The following ACTB variants were observed in gnomAD, a reference collection of about 807,000 sequenced individuals.
ACTB encodes the protein actin beta.
Under a neutral mutation model 30.5 loss-of-function variants are expected in ACTB, and 2 were observed. The ratio of observed to expected loss-of-function variants is 0.07; its 90% CI spans 0.03 to 0.21. The LOEUF (loss-of-function observed/expected upper bound fraction) is 0.21, where lower values mean the gene tolerates loss of function less well. ACTB is among the 10% of genes least tolerant of loss of function. ACTB has a pLI of 1.00. For missense variants in ACTB, 56 were observed against 530.0 expected, an observed-to-expected ratio of 0.11 and a Z score of 8.78; for synonymous variants, 335 against 217.6, an observed-to-expected ratio of 1.54 and a Z score of -4.75.
intron 1 of ACTB, chr7:5,530,084 G>T (rs2966450): frequency 6.5e-6 from 1 of 153,230 alleles, no homozygotes; most frequent in Non-Finnish European, 1.4e-5. Context: ...CGCACGCGCA[G>T]TTAGCGCCTT....
In ACTB at chr7:5,527,486, C is replaced by G; in HGVS notation, c.*262G>C. ...CAAGGGACTTCCTGTAACAACGCAT[C>G]TCATATTTGGAATGACTATTAAAAA... On this transcript the variant is annotated 3_prime_UTR_variant, in exon 6 of 6. Coordinates refer to ENST00000646664, the MANE Select transcript of ACTB (RefSeq NM_001101.5). 1.7e-6 allele frequency: 1 copy of G among 575,034 alleles called. No individual in the cohort carries two copies. The highest frequency in any genetic ancestry group is 2.0e-5 in the South Asian group (1 of 49,006). 35.6% of individuals were successfully genotyped at this position (575,034 alleles called of 1,614,324 possible). A position where few individuals can be genotyped will look rare whatever the true frequency, so the allele number is the denominator to read the frequency against.
intron 1 of ACTB, chr7:5,529,957 C>G (rs954821647): frequency 3.2e-4 from 82 of 259,582 alleles, no homozygotes; most frequent in African/African-American, 1.8e-3. Flanking sequence ...CACCCTCGGG[C>G]GGCCAGCGGC....
Position 5,527,539 on chromosome 7 carries a change from G to C in ACTB, c.*209C>G, listed in dbSNP as rs1784790424. 2 of 748,310 alleles carry C rather than the reference G, an allele frequency of 2.7e-6. No individual in the cohort carries two copies. The highest frequency in any genetic ancestry group is 1.8e-5 in the South Asian group (1 of 54,616). The allele number at this position is 748,310 out of a possible 1,614,324, so 46.4% of individuals were successfully genotyped here. ...CAACAATGTGCAATCAAAGTCCTCGGCCACATTGTGAACTTTGGGGGATGC... is the reference window on the plus strand; with the variant it reads ...CAACAATGTGCAATCAAAGTCCTCGCCCACATTGTGAACTTTGGGGGATGC... On this transcript the variant is annotated 3_prime_UTR_variant, in exon 6 of 6. Coordinates refer to ENST00000646664, the MANE Select transcript of ACTB (RefSeq NM_001101.5).
rs770460552 is a variant in ACTB at position 5,528,285 on chromosome 7, G to A, written c.798C>T (p.Phe266=). The change falls in exon 4 of 6, where the codon TTC becomes TTT. Residue 266 remains phenylalanine (F), a synonymous_variant. Transcript: ENST00000646664. The part of the protein sequence containing the change: ...RCPEALFQPS[F]LGMESCGIHE... ...CGGGAGACAGTCTCCACTCACCCAGGAAGGAAGGCTGGAAGAGTGCCTCAG... is the reference window on the plus strand; with the variant it reads ...CGGGAGACAGTCTCCACTCACCCAGAAAGGAAGGCTGGAAGAGTGCCTCAG... 1.2e-5 allele frequency: 20 copies of A among 1,614,146 alleles called. No homozygotes were observed. In the South Asian group the frequency reaches 1.6e-4, roughly 13 times the overall value.
rs758823620 is a variant in ACTB, at chr7:5,527,322, A to C, written c.*426T>G. 7.0e-5 allele frequency: 18 copies of C among 256,792 alleles called. No homozygotes were observed. The highest frequency in any genetic ancestry group is 1.2e-4 in the Non-Finnish European group (15 of 130,154). 15.9% of individuals were successfully genotyped at this position (256,792 alleles called of 1,614,324 possible). A position where few individuals can be genotyped will look rare whatever the true frequency, so the allele number is the denominator to read the frequency against. On this transcript the variant is annotated 3_prime_UTR_variant, in exon 6 of 6. Transcript: ENST00000646664. Reference sequence around the variant, plus strand: ...TCATCATTCAAAATAAAACAAAATAAAAAAGTATTAAGGCGAAGATTAAAA... The same window carrying C: ...TCATCATTCAAAATAAAACAAAATACAAAAGTATTAAGGCGAAGATTAAAA...
At chr7:5,530,407 T>TC (rs13447391) in intron 1 of ACTB, 117 bp downstream of exon 1, 102 of 150,724 alleles carry the variant, frequency 6.8e-4, no homozygotes, top group East Asian at 1.6e-3. Context: ...GCGGTCCGGT[T>TC]CCCCCCCCAT....
intron 1 of ACTB, chr7:5,529,933 G>A (rs1006000342): frequency 2.7e-6 from 1 of 368,790 alleles, no homozygotes; most frequent in Non-Finnish European, 4.9e-6. Flanking sequence ...CGGCGCGCGC[G>A]CACGCAGCGG....
intron 1 of ACTB, chr7:5,529,915 C>A: frequency 2.2e-6 from 1 of 455,126 alleles, no homozygotes. Flanking sequence ...GTTCAAACAG[C>A]GCCGGGTCGG....
chr7:5,528,990 G>T (rs1378482498), intron 3 of ACTB, 171 bp downstream of exon 3: 1 of 1,590,912 alleles, frequency 6.3e-7, no homozygotes, highest in Non-Finnish European at 8.5e-7. Flanking sequence ...ACCAGAAAAA[G>T]AGCTCATCTG....
chr7:5,529,791 C>G (rs1648766534), intron 1 of ACTB, 128 bp from the exon 2 acceptor site: 1 of 1,465,122 alleles, frequency 6.8e-7, no homozygotes. Flanking sequence ...GAAGCCGGGC[C>G]GGCCGCGTTA....
chr7:5,529,634 G>A lies in ACTB; in HGVS notation c.24C>T (p.Leu8=), dbSNP rs151181948. 4 of 1,611,340 alleles carry A rather than the reference G, an allele frequency of 2.5e-6. No individual in the cohort carries two copies. The highest frequency in any genetic ancestry group is 4.5e-5 in the East Asian group (2 of 44,870). MDDDIAA[L]VVDNGSGMCK... ...ACATGCCGGAGCCGTTGTCGACGAC[G>A]AGCGCGGCGATATCATCATCCATGG... Residue 8 remains leucine (L), a synonymous_variant, in exon 2 of 6, where the codon CTC becomes CTT. Coordinates refer to ENST00000646664, the MANE Select transcript of ACTB (RefSeq NM_001101.5).
chr7:5,530,220 C>T (rs1389456485), intron 1 of ACTB, among the ~76,000 whole-genome samples: 1 of 151,956 alleles, frequency 6.6e-6, no homozygotes, highest in Non-Finnish European at 1.5e-5. Context: ...CTCCGCCGCG[C>T]CCACCCTGCG....
At chr7:5,529,720 C>T (rs1056855630) in intron 1 of ACTB, 57 bp from the exon 2 acceptor site, 19 of 1,608,244 alleles carry the variant, frequency 1.2e-5, no homozygotes, top group Admixed American at 5.0e-5. Context: ...TGGCCACTTC[C>T]GGCGCGCCGA....
At chr7:5,529,453 A>G in intron 2 of ACTB, 53 bp from the exon 3 acceptor site, 1 of 1,613,394 alleles carries the variant, frequency 6.2e-7, no homozygotes, top group South Asian at 1.1e-5. Flanking sequence ...CCCACCCCGG[A>G]AACCGGGAGG....
In ACTB at chr7:5,527,829, C is replaced by G; in HGVS notation, c.1047G>C (p.Leu349=). ...TGATCCACATCTGCTGGAAGGTGGACAGCGAGGCCAGGATGGAGCCGCCGA... is the reference window on the plus strand; with the variant it reads ...TGATCCACATCTGCTGGAAGGTGGAGAGCGAGGCCAGGATGGAGCCGCCGA... The part of the protein sequence containing the change: ...VWIGGSILAS[L]STFQQMWISK... The change falls in exon 6 of 6, where the codon CTG becomes CTC. Residue 349 remains leucine, a synonymous_variant. Coordinates refer to ENST00000646664, the MANE Select transcript of ACTB (RefSeq NM_001101.5). 1 of 1,612,764 alleles carries G rather than the reference C, an allele frequency of 6.2e-7. No homozygotes were observed. Among genetic ancestry groups the G allele is most frequent in the Non-Finnish European group, 8.5e-7 (1 of 1,179,588 alleles).
intron 5 of ACTB, 28 bp downstream of exon 5, chr7:5,527,976 G>A (rs751030505): frequency 4.3e-6 from 7 of 1,613,052 alleles, no homozygotes; most frequent in Non-Finnish European, 5.9e-6. Context: ...GACCTGCCCA[G>A]GTCAGCTCAG....
rs1463490825 is a variant in ACTB, at chr7:5,528,819, T to C, written c.364-100A>G. Reference sequence around the variant, plus strand: ...AAAGTGCAAAGAACACGGCTAAGTGTGCTGGGGTCTTGGGATGGGGAGTCT... The same window carrying C: ...AAAGTGCAAAGAACACGGCTAAGTGCGCTGGGGTCTTGGGATGGGGAGTCT... On this transcript the variant is annotated intron_variant, in intron 3 of 5. Transcript: ENST00000646664. 5 of 1,491,882 alleles carry C rather than the reference T, an allele frequency of 3.4e-6. 1 individual carries two copies. In the South Asian group the frequency reaches 5.7e-5, roughly 17 times the overall value. 92.4% of individuals were successfully genotyped at this position (1,491,882 alleles called of 1,614,324 possible). A position where few individuals can be genotyped will look rare whatever the true frequency, so the allele number is the denominator to read the frequency against.
intron 1 of ACTB, among the ~76,000 whole-genome samples, chr7:5,530,248 C>G (rs1322275231): frequency 6.6e-6 from 1 of 151,974 alleles, no homozygotes; most frequent in African/African-American, 2.4e-5. Flanking sequence ...TTGGCAAGAG[C>G]CCGGCTCAGA....
At chr7:5,528,909 C>T (rs1179829624) in intron 3 of ACTB, 190 bp from the exon 4 acceptor site, 2 of 1,456,606 alleles carry the variant, frequency 1.4e-6, no homozygotes, top group South Asian at 1.2e-5. Flanking sequence ...GCCTCATGGC[C>T]TTGTCACACG....
Sources: allele counts gnomAD v4.1 joint callset (sites outside exome capture counted in the v4.1 genomes callset), GRCh38; gene constraint gnomAD v4.1.1; transcripts MANE v1.5; gene names NCBI Gene and HGNC (gene_info 2026-07-23, HGNC 2026-07-21).